Variants in ZNF106 observed in about 807,000 individuals in gnomAD.
ZNF106 encodes zinc finger protein 106.
Under a neutral mutation model 195.1 loss-of-function variants are expected in ZNF106, and 67 were observed. The observed-to-expected ratio is 0.34, with a 90% CI of 0.28 to 0.42. The LOEUF (loss-of-function observed/expected upper bound fraction) is 0.42. Among genes scored for constraint, ZNF106 ranks in the 10% least tolerant of loss-of-function variants. The pLI, the probability that ZNF106 is intolerant of heterozygous loss-of-function variation, is 1.00. For missense variants in ZNF106, 2,118 were observed against 2,304.5 expected (o/e 0.92, Z 1.66); for synonymous variants, 784 against 818.6 (o/e 0.96, Z 0.72).
Position 42,415,920 on chromosome 15 carries a change from C to T in ZNF106, c.*1384G>A, listed in dbSNP as rs866858824. ...CGGCTTTTTGTATTTTTAGTAGAGA[C>T]GGGGTTTTGCCATGTTGGCCAGGCT... is the stretch of plus-strand genomic sequence containing the variant. On this transcript the variant is annotated 3_prime_UTR_variant, in exon 22 of 22. Transcript: ENST00000564754. 3.9e-5 allele frequency: 6 copies of T among 152,934 alleles called. No individual in the cohort carries two copies. Among genetic ancestry groups the T allele is most frequent in the South Asian group, 2.0e-4 (1 of 4,940 alleles). The allele number at this position is 152,934 out of a possible 1,614,324, so 9.5% of individuals were successfully genotyped here.
intron 3 of ZNF106, among the ~76,000 whole-genome samples, chr15:42,463,761 C>T (rs770388063): frequency 3.3e-5 from 5 of 152,208 alleles, no homozygotes; most frequent in Non-Finnish European, 5.9e-5. Flanking sequence ...GATCGTGCCA[C>T]GGCACCCCAG....
rs1450854542 is a variant in ZNF106 at position 42,450,005 on chromosome 15, G to T, written c.2267C>A (p.Thr756Asn). The change falls in exon 5 of 22, where the codon ACC becomes AAC. Residue 756 changes from threonine to asparagine, a missense_variant. Transcript: ENST00000564754. Reference protein sequence around the residue: ...GFPASLQRDLTRHISLKSKTG... With the variant: ...GFPASLQRDLNRHISLKSKTG... ...TTTGCTCTTCAAACTAATGTGCCGG[G>T]TTAGATCCCTCTGAAGTGAGGCAGG... 2 of 1,614,060 alleles carry T rather than the reference G, an allele frequency of 1.2e-6. No individual in the cohort carries two copies. Among genetic ancestry groups the T allele is most frequent in the Non-Finnish European group, 1.7e-6 (2 of 1,180,038 alleles).
rs2141327770 is a variant in ZNF106 at position 42,441,997 on chromosome 15, T to A, written c.3763+76A>T. On this transcript the variant is annotated intron_variant, in intron 10 of 21. Transcript: ENST00000564754. The stretch of plus-strand genomic sequence containing the variant: ...TCATTTTAGTTTTAATGAGCAAGTA[T>A]GGCTTATATCACTCATATAAAAATG... 6.8e-6 allele frequency: 8 copies of A among 1,183,854 alleles called. No homozygotes were observed. In the South Asian group the frequency reaches 9.5e-5, roughly 14 times the overall value. 73.3% of individuals were successfully genotyped at this position (1,183,854 alleles called of 1,614,324 possible).
Position 42,437,216 on chromosome 15 carries a change from T to A in ZNF106, c.4746+16A>T. ...AACCTGCAACCAAAAACATTCTACATGTTCTATCAACTTACCACCAGATTA... is the reference window on the plus strand; with the variant it reads ...AACCTGCAACCAAAAACATTCTACAAGTTCTATCAACTTACCACCAGATTA... On this transcript the variant is annotated intron_variant, in intron 13 of 21. Transcript: ENST00000564754. The A allele has an allele frequency of 6.2e-7, 1 of 1,602,576 alleles. No individual in the cohort carries two copies. The highest frequency in any genetic ancestry group is 8.5e-7 in the Non-Finnish European group (1 of 1,174,880).
At chr15:42,478,413 C>T (rs771752730) in intron 1 of ZNF106, among the ~76,000 whole-genome samples, 1 of 152,024 alleles carries the variant, frequency 6.6e-6, no homozygotes, top group East Asian at 1.9e-4. Flanking sequence ...CCACCTGCCT[C>T]GGCCTCCCAA....
chr15:42,472,793 C>G (rs1206245408), intron 1 of ZNF106, among the ~76,000 whole-genome samples: 1 of 152,132 alleles, frequency 6.6e-6, no homozygotes, highest in Admixed American at 6.5e-5. Context: ...GGGCAGATCA[C>G]GAGGTCAGGA....
At chr15:42,457,666 C>A (rs528741306) in intron 3 of ZNF106, 1 of 471,552 alleles carries the variant, frequency 2.1e-6, no homozygotes, top group Non-Finnish European at 2.8e-6. Context: ...AGCTGGAGCT[C>A]TGCCTGGAAT....
Position 42,451,889 on chromosome 15 carries a change from C to A in ZNF106, c.383G>T (p.Arg128Leu). The change falls in exon 5 of 22, where the codon CGA becomes CTA. Residue 128 changes from arginine (R) to leucine (L), a missense_variant. Coordinates refer to ENST00000564754, the MANE Select transcript of ZNF106 (RefSeq NM_001366845.3). ...GTCTTGGTAAGGAATTCGGTCTTCT[C>A]GTCTCCATTGGGGTCGTCTGTCATC... Reference protein sequence around the residue: ...NSDDRRPQWRREDRIPYQDRE... With the variant: ...NSDDRRPQWRLEDRIPYQDRE... 1 of 1,614,166 alleles carries A rather than the reference C, an allele frequency of 6.2e-7. No individual in the cohort carries two copies. Among genetic ancestry groups the A allele is most frequent in the Non-Finnish European group, 8.5e-7 (1 of 1,180,030 alleles).
rs1195243939 is a variant in ZNF106, at chr15:42,439,414, T to G, written c.4163A>C (p.His1388Pro). The G allele has an allele frequency of 2.5e-6, 4 of 1,614,182 alleles. No individual in the cohort carries two copies. The highest frequency in any genetic ancestry group is 3.4e-6 in the Non-Finnish European group (4 of 1,180,034). ...TTCAGTGTCACTATTCTCAGGAACA[T>G]GGGCAGCCCGTAGACTTTTCTTCTT... ...LRKKKSLRAA[H>P]VPENSDTEQD... Residue 1388 changes from histidine to proline, a missense_variant, in exon 11 of 22, where the codon CAT becomes CCT. His to Pro is a moderately conservative substitution (Grantham distance 77). Coordinates refer to ENST00000564754, the MANE Select transcript of ZNF106 (RefSeq NM_001366845.3).
rs116200378 is a variant in ZNF106, at chr15:42,485,701, C to T, written c.-33+5279G>A. 7.6e-3 allele frequency among the ~76,000 whole-genome samples: 1,160 copies of T among 151,936 alleles called. 14 individuals are homozygous for T. The highest frequency in any genetic ancestry group is 0.027 in the African/African-American group (1,117 of 41,424). ...CCTGAACACTGAACTGGAATAAAGACGTTGGAAAATAAAAGAGTGGATAAA... is the reference window on the plus strand; with the variant it reads ...CCTGAACACTGAACTGGAATAAAGATGTTGGAAAATAAAAGAGTGGATAAA... On this transcript the variant is annotated intron_variant, in intron 1 of 21. Coordinates refer to ENST00000564754, the MANE Select transcript of ZNF106 (RefSeq NM_001366845.3).
chr15:42,437,505 C>A lies in ZNF106; in HGVS notation c.4601-128G>T, dbSNP rs575977098. On this transcript the variant is annotated intron_variant, in intron 12 of 21. Coordinates refer to ENST00000564754, the MANE Select transcript of ZNF106 (RefSeq NM_001366845.3). Reference sequence around the variant, plus strand: ...AAAGTAGATCCCTTAAATCTTAGTTCCCCTATCAGACTACTACAATTTTCA... The same window carrying A: ...AAAGTAGATCCCTTAAATCTTAGTTACCCTATCAGACTACTACAATTTTCA... 19 of 1,091,542 alleles carry A rather than the reference C, an allele frequency of 1.7e-5. No individual in the cohort carries two copies. The African/African-American group carries it at 3.0e-4, about 17-fold the overall frequency. 67.6% of individuals were successfully genotyped at this position (1,091,542 alleles called of 1,614,324 possible). A position where few individuals can be genotyped will look rare whatever the true frequency, so the allele number is the denominator to read the frequency against.
chr15:42,474,018 C>A (rs2056732826), intron 1 of ZNF106, among the ~76,000 whole-genome samples: 2 of 152,082 alleles, frequency 1.3e-5, no homozygotes, highest in South Asian at 4.2e-4. Context: ...ACTGAGTACC[C>A]AAACAACAAG....
chr15:42,450,779 T>A lies in ZNF106; in HGVS notation c.1493A>T (p.Asn498Ile), dbSNP rs2055985237. 6.2e-7 allele frequency: 1 copy of A among 1,614,042 alleles called. No individual in the cohort carries two copies. The highest frequency in any genetic ancestry group is 8.5e-7 in the Non-Finnish European group (1 of 1,180,036). Residue 498 changes from asparagine to isoleucine, a missense_variant, in exon 5 of 22, where the codon AAC becomes ATC. Transcript: ENST00000564754. ...QKQDPKNISK[N>I]TKTNFFSPGE... The stretch of plus-strand genomic sequence containing the variant: ...AGGGGAAAAAAAATTTGTTTTGGTG[T>A]TTTTTGAGATATTCTTTGGATCTTG...
intron 1 of ZNF106, among the ~76,000 whole-genome samples, chr15:42,477,650 A>T (rs967760548): frequency 6.6e-6 from 1 of 152,210 alleles, no homozygotes; most frequent in Non-Finnish European, 1.5e-5. Context: ...ACACTTTGGG[A>T]GGCTGAGGCA....
At chr15:42,458,804 A>G (rs1262789859) in intron 3 of ZNF106, among the ~76,000 whole-genome samples, 1 of 151,512 alleles carries the variant, frequency 6.6e-6, no homozygotes, top group African/African-American at 2.4e-5. Flanking sequence ...TTTTTTTTTA[A>G]ATGAATATTC....
intron 3 of ZNF106, 70 bp from the exon 4 acceptor site, chr15:42,457,228 T>C (rs777883783): frequency 1.6e-5 from 25 of 1,610,214 alleles, no homozygotes; most frequent in Middle Eastern, 3.3e-4. Context: ...AGATCTGTTA[T>C]TGTTTCCTCT....
At chr15:42,439,954 C>T in intron 10 of ZNF106, 141 bp from the exon 11 acceptor site, 1 of 807,036 alleles carries the variant, frequency 1.2e-6, no homozygotes, top group Non-Finnish European at 1.8e-6. Context: ...CTCAGTTTCC[C>T]ATCACCTACA....
rs1469562442 is a variant in ZNF106, at chr15:42,415,653, T to C, written c.*1651A>G. 1 of 273,982 alleles carries C rather than the reference T, an allele frequency of 3.6e-6. No individual in the cohort carries two copies. Among genetic ancestry groups the C allele is most frequent in the Non-Finnish European group, 7.3e-6 (1 of 136,346 alleles). 17.0% of individuals were successfully genotyped at this position (273,982 alleles called of 1,614,324 possible). A position where few individuals can be genotyped will look rare whatever the true frequency, so the allele number is the denominator to read the frequency against. ...GAAGACAGACCTGGATGGTCTGCAA[T>C]CCCAGAGAGCATGAGGCACCATGTC... On this transcript the variant is annotated 3_prime_UTR_variant, in exon 22 of 22. Coordinates refer to ENST00000564754, the MANE Select transcript of ZNF106 (RefSeq NM_001366845.3).
chr15:42,468,604 A>G (rs2056587891), intron 2 of ZNF106, among the ~76,000 whole-genome samples: 1 of 150,856 alleles, frequency 6.6e-6, no homozygotes, highest in Non-Finnish European at 1.5e-5. Context: ...TTAGCCAGGC[A>G]TGGCAGCGCG....
Sources: gnomAD v4.1 joint callset for allele counts (sites outside exome capture counted in the v4.1 genomes callset) on GRCh38, gnomAD v4.1.1 for gene constraint, MANE v1.5 for transcripts, NCBI Gene and HGNC (gene_info 2026-07-23, HGNC 2026-07-21) for gene names.